Variants in ALMS1 observed in about 807,000 individuals in gnomAD.
The protein encoded by ALMS1 is ALMS1 centrosome and basal body associated protein.
ALMS1 carries 271 observed loss-of-function variants against 352.2 expected under a neutral mutation model. The observed-to-expected ratio is 0.77, with a 90% CI of 0.70 to 0.85. The LOEUF is 0.85. Ranked by LOEUF, ALMS1 falls within the 40% of genes least tolerant of loss-of-function variation. The pLI, the probability that ALMS1 is intolerant of heterozygous loss-of-function variation, is 0.00. For missense variants in ALMS1, 5,445 were observed against 4,870.7 expected, an observed-to-expected ratio of 1.12 and a Z score of -3.51; for synonymous variants, 1,865 against 1,761.2, an observed-to-expected ratio of 1.06 and a Z score of -1.48.
chr2:73,436,246 G>T (rs1366831739), intron 7 of ALMS1, among the ~76,000 whole-genome samples: 2 of 152,152 alleles, frequency 1.3e-5, no homozygotes, highest in African/African-American at 4.8e-5. Flanking sequence ...TGAGAAGTCA[G>T]CTGTTATCTT....
chr2:73,515,096 C>T (rs554962549), intron 10 of ALMS1, among the ~76,000 whole-genome samples: 46 of 152,192 alleles, frequency 3.0e-4, no homozygotes, highest in East Asian at 1.3e-3. Context: ...GACTGTGCCC[C>T]GTGAGTCTCT....
intron 6 of ALMS1, among the ~76,000 whole-genome samples, chr2:73,429,728 C>T (rs967468855): frequency 6.6e-6 from 1 of 152,116 alleles, no homozygotes; most frequent in African/African-American, 2.4e-5. Context: ...TGATTATCAC[C>T]TCTGTTTTTA....
chr2:73,563,480 T>C (rs550056091), intron 15 of ALMS1, among the ~76,000 whole-genome samples: 1 of 151,978 alleles, frequency 6.6e-6, no homozygotes, highest in Non-Finnish European at 1.5e-5. Flanking sequence ...TCCAACACTT[T>C]GGGAGGCTGA....
At chr2:73,485,925 C>T (rs1410570871) in intron 9 of ALMS1, among the ~76,000 whole-genome samples, 1 of 152,078 alleles carries the variant, frequency 6.6e-6, no homozygotes, top group East Asian at 1.9e-4. Flanking sequence ...CCTTGCCCTG[C>T]TTCGTCTCGC....
chr2:73,595,296 A>C (rs894877092), intron 16 of ALMS1, among the ~76,000 whole-genome samples: 3 of 152,216 alleles, frequency 2.0e-5, no homozygotes, highest in Admixed American at 6.5e-5. Context: ...GTCGTTACCA[A>C]AAGGTGCCCT....
At chr2:73,543,464 T>C (rs541556471) in intron 12 of ALMS1, among the ~76,000 whole-genome samples, 1,576 of 152,300 alleles carry the variant, frequency 0.01, 41 homozygotes, top group African/African-American at 0.036. Context: ...GGTCAAGGAC[T>C]TCATGTCTAA....
At chr2:73,462,973 T>C (rs1370429614) in intron 9 of ALMS1, among the ~76,000 whole-genome samples, 1 of 152,110 alleles carries the variant, frequency 6.6e-6, no homozygotes. Context: ...CTTAGTGACC[T>C]ACAAAGAGAC....
At chr2:73,429,483 A>G (rs1301553763) in intron 6 of ALMS1, among the ~76,000 whole-genome samples, 2 of 151,922 alleles carry the variant, frequency 1.3e-5, no homozygotes, top group African/African-American at 2.4e-5. Context: ...GGGTTTCACC[A>G]TGTTGGACAG....
Position 73,601,345 on chromosome 2 carries a change from G to C in ALMS1, c.12023G>C (p.Gly4008Ala). The change falls in exon 19 of 23, where the codon GGG (glycine) becomes GCG (alanine). Residue 4008 changes from glycine to alanine, a missense_variant. Coordinates refer to ENST00000613296, the MANE Select transcript of ALMS1 (RefSeq NM_001378454.1). ...CCACTGCGGGAGCAGAACTGTCAGG[G>C]GCAGCACCTGGACGGTCGGGGCTAC... Reference protein sequence around the residue: ...REPLREQNCQGQHLDGRGYLA... With the variant: ...REPLREQNCQAQHLDGRGYLA... 1 of 1,614,190 alleles carries C rather than the reference G, an allele frequency of 6.2e-7. No homozygotes were observed. The highest frequency in any genetic ancestry group is 8.5e-7 in the Non-Finnish European group (1 of 1,180,022).
intron 16 of ALMS1, among the ~76,000 whole-genome samples, chr2:73,575,135 G>T (rs943445887): frequency 2.0e-5 from 3 of 152,022 alleles, no homozygotes; most frequent in Non-Finnish European, 2.9e-5. Context: ...TTATTCCGTT[G>T]CATGTATATA....
At chr2:73,524,306 A>G (rs1205648321) in intron 11 of ALMS1, among the ~76,000 whole-genome samples, 1 of 152,200 alleles carries the variant, frequency 6.6e-6, no homozygotes, top group Non-Finnish European at 1.5e-5. Flanking sequence ...TATAGTAGAC[A>G]TAGATATTTA....
chr2:73,599,827 A>T (rs556236441), intron 17 of ALMS1, among the ~76,000 whole-genome samples: 2 of 152,350 alleles, frequency 1.3e-5, no homozygotes, highest in African/African-American at 4.8e-5. Flanking sequence ...TCTGCTATAG[A>T]TATACTATGA....
At chr2:73,574,099 A>G (rs1349055984) in intron 16 of ALMS1, among the ~76,000 whole-genome samples, 1 of 152,188 alleles carries the variant, frequency 6.6e-6, no homozygotes, top group African/African-American at 2.4e-5. Context: ...TTTTTAATAT[A>G]AAAAGAGAAC....
Position 73,454,077 on chromosome 2 carries a change from A to C in ALMS1, c.7540+10A>C. 1 of 1,602,024 alleles carries C rather than the reference A, an allele frequency of 6.2e-7. No individual in the cohort carries two copies. The highest frequency in any genetic ancestry group is 1.3e-5 in the African/African-American group (1 of 74,378). On this transcript the variant is annotated intron_variant, in intron 8 of 22. Coordinates refer to ENST00000613296, the MANE Select transcript of ALMS1 (RefSeq NM_001378454.1). The stretch of plus-strand genomic sequence containing the variant: ...CGGGTACGAGCACATGGTAAGAAGA[A>C]AGTTTCAGGCTTATAAACGTTATAG...
intron 9 of ALMS1, among the ~76,000 whole-genome samples, chr2:73,474,475 G>A (rs1672542153): frequency 1.3e-5 from 2 of 151,418 alleles, no homozygotes; most frequent in African/African-American, 2.4e-5. Flanking sequence ...TGAAGTCTTT[G>A]ACATTGTTTG....
chr2:73,385,867 A>G lies in ALMS1; in HGVS notation c.-2A>G. The stretch of plus-strand genomic sequence containing the variant: ...CTCTGCCGCCCAGAGCGAGACACCA[A>G]CATGGAGCCCGAGGATCTGCCATGG... On this transcript the variant is annotated 5_prime_UTR_variant, in exon 1 of 23. Coordinates refer to ENST00000613296, the MANE Select transcript of ALMS1 (RefSeq NM_001378454.1). 1 of 749,216 alleles carries G rather than the reference A, an allele frequency of 1.3e-6. No individual in the cohort carries two copies. Among genetic ancestry groups the G allele is most frequent in the Non-Finnish European group, 2.3e-6 (1 of 426,550 alleles). 46.4% of individuals were successfully genotyped at this position (749,216 alleles called of 1,614,324 possible).
At chr2:73,500,803 A>G (rs908536716) in intron 10 of ALMS1, among the ~76,000 whole-genome samples, 9 of 152,142 alleles carry the variant, frequency 5.9e-5, no homozygotes, top group Non-Finnish European at 1.2e-4. Flanking sequence ...TTCAGATTTT[A>G]TGATCTTCAA....
chr2:73,466,189 G>A (rs1343028609), intron 9 of ALMS1, among the ~76,000 whole-genome samples: 1 of 152,236 alleles, frequency 6.6e-6, no homozygotes, highest in East Asian at 1.9e-4. Context: ...ACACATGTAC[G>A]TTTATTGCGG....
chr2:73,453,045 G>A lies in ALMS1; in HGVS notation c.6518G>A (p.Gly2173Glu), dbSNP rs1041592565. The A allele has an allele frequency of 1.2e-6, 2 of 1,613,644 alleles. No homozygotes were observed. The highest frequency in any genetic ancestry group is 1.3e-5 in the African/African-American group (1 of 74,894). ...EDALKISSAL[G>E]QADQITGLQT... ...GCTCTAAAGATCTCAAGTGCTCTTGGGCAAGCTGATCAAATTACCGGATTA... is the reference window on the plus strand; with the variant it reads ...GCTCTAAAGATCTCAAGTGCTCTTGAGCAAGCTGATCAAATTACCGGATTA... Residue 2173 changes from glycine (G) to glutamate (E), a missense_variant, in exon 8 of 23, where the codon GGG (glycine) becomes GAG (glutamate). Transcript: ENST00000613296.
Sources: gnomAD v4.1 joint callset for allele counts (sites outside exome capture counted in the v4.1 genomes callset) on GRCh38, gnomAD v4.1.1 for gene constraint, MANE v1.5 for transcripts, NCBI Gene and HGNC (gene_info 2026-07-23, HGNC 2026-07-21) for gene names.